Variants in BOLL observed in about 807,000 individuals in gnomAD.
The protein encoded by BOLL is boule RNA binding protein.
BOLL carries 23 observed loss-of-function variants against 44.4 expected under a neutral mutation model. The observed-to-expected ratio is 0.52, with a 90% CI of 0.37 to 0.73. The LOEUF is 0.73. Among genes scored for constraint, BOLL ranks in the 30% least tolerant of loss-of-function variants. The pLI, the probability that BOLL is intolerant of heterozygous loss-of-function variation, is 0.00. For synonymous variants in BOLL, 97 were observed against 110.8 expected (o/e 0.88, Z 0.78); for missense variants, 287 against 338.3 (o/e 0.85, Z 1.19).
At chr2:197,728,725 G>A (rs1686966820) in intron 10 of BOLL, 147 bp from the exon 11 acceptor site, 1 of 557,210 alleles carries the variant, frequency 1.8e-6, no homozygotes, top group Admixed American at 4.0e-5. Flanking sequence ...TACAAAGTGA[G>A]AGGCTAGCAA....
rs181211838 is a variant in BOLL, at chr2:197,746,216, G to A, written c.730-3057C>T. On this transcript the variant is annotated intron_variant, in intron 9 of 10. Coordinates refer to ENST00000392296, the MANE Select transcript of BOLL (RefSeq NM_033030.6). The stretch of plus-strand genomic sequence containing the variant: ...GCTGGTGGGAATGTAAATTAGTATG[G>A]CCATTTTGGAAAACAGTAGGGTGGT... 4.6e-5 allele frequency among the ~76,000 whole-genome samples: 7 copies of A among 152,270 alleles called. No individual in the cohort carries two copies. The East Asian group carries it at 1.4e-3, about 29-fold the overall frequency.
In BOLL at chr2:197,738,850, C is replaced by A. The variant is rs183925449; in HGVS notation, c.828+4211G>T. Reference sequence around the variant, plus strand: ...AAAGGCTAATGTTTCAAATGTCATTCACTAATATTTTAATATTAGTAATAT... The same window carrying A: ...AAAGGCTAATGTTTCAAATGTCATTAACTAATATTTTAATATTAGTAATAT... On this transcript the variant is annotated intron_variant, in intron 10 of 10. Coordinates refer to ENST00000392296, the MANE Select transcript of BOLL (RefSeq NM_033030.6). Among the ~76,000 whole-genome samples the A allele has an allele frequency of 4.0e-3, 614 of 152,146 alleles. 3 individuals carry two copies. Among genetic ancestry groups the A allele is most frequent in the African/African-American group, 0.014 (591 of 41,508 alleles).
In BOLL at chr2:197,781,741, AC is replaced by A; in HGVS notation, c.109del (p.Val37Ter). On this transcript the variant is annotated frameshift_variant, in exon 2 of 11. Transcript: ENST00000392296. LOFTEE classifies it high-confidence loss of function. The part of the protein sequence containing the change: ...YGTVIPNRIF[V>X]GGIDFKTNES... ...AGGTACCTTAAAATCAATTCCTCCT[AC>A]AAAGATGCGATTAGGGATCACTGTT... 5 of 1,567,110 alleles carry A rather than the reference AC, an allele frequency of 3.2e-6. No individual in the cohort carries two copies. The highest frequency in any genetic ancestry group is 4.3e-6 in the Non-Finnish European group (5 of 1,149,606).
At chr2:197,752,123 A>G (rs944776905) in intron 9 of BOLL, among the ~76,000 whole-genome samples, 2 of 152,220 alleles carry the variant, frequency 1.3e-5, no homozygotes, top group Non-Finnish European at 2.9e-5. Flanking sequence ...AAAACACTTA[A>G]TAAACTAGGT....
chr2:197,758,918 G>A, intron 7 of BOLL: 3 of 1,528,316 alleles, frequency 2.0e-6, no homozygotes, highest in Non-Finnish European at 8.8e-7. Context: ...AGATCTAAAT[G>A]TTAGCCAGGG....
chr2:197,746,588 C>T lies in BOLL; in HGVS notation c.730-3429G>A, dbSNP rs372625722. On this transcript the variant is annotated intron_variant, in intron 9 of 10. Transcript: ENST00000392296. Reference sequence around the variant, plus strand: ...TACATGATTTCACTTATGTGCAGAACGTGAAAAAGTCGAACTCATAGAAGC... The same window carrying T: ...TACATGATTTCACTTATGTGCAGAATGTGAAAAAGTCGAACTCATAGAAGC... Among the ~76,000 whole-genome samples the T allele has an allele frequency of 2.0e-4, 30 of 152,124 alleles. 1 individual carries two copies. The highest frequency in any genetic ancestry group is 6.5e-4 in the African/African-American group (27 of 41,500).
intron 7 of BOLL, chr2:197,758,794 T>C (rs899364285): frequency 5.3e-6 from 3 of 562,752 alleles, no homozygotes; most frequent in Non-Finnish European, 8.9e-6. Context: ...TTTGCTTTAA[T>C]ATAAATTATG....
At chr2:197,755,230 A>C (rs933991627) in intron 9 of BOLL, among the ~76,000 whole-genome samples, 2 of 152,348 alleles carry the variant, frequency 1.3e-5, no homozygotes, top group African/African-American at 4.8e-5. Context: ...ATTATTAAAA[A>C]GTCAAGGAAC....
At chr2:197,746,809 G>A (rs934033324) in intron 9 of BOLL, among the ~76,000 whole-genome samples, 61 of 151,464 alleles carry the variant, frequency 4.0e-4, no homozygotes, top group Admixed American at 1.1e-3. Flanking sequence ...CTGGGACAGG[G>A]GGATCGCTTG....
intron 9 of BOLL, among the ~76,000 whole-genome samples, chr2:197,755,176 T>C (rs1471254087): frequency 6.6e-6 from 1 of 152,188 alleles, no homozygotes; most frequent in Non-Finnish European, 1.5e-5. Flanking sequence ...GGAGAAATGC[T>C]AATCAACACA....
intron 9 of BOLL, among the ~76,000 whole-genome samples, chr2:197,752,419 A>G (rs1688303206): frequency 1.3e-5 from 2 of 152,332 alleles, no homozygotes; most frequent in South Asian, 4.1e-4. Context: ...TCAGCCCCAA[A>G]ACTCCTTAAA....
intron 10 of BOLL, among the ~76,000 whole-genome samples, chr2:197,737,344 C>G (rs1687540041): frequency 6.6e-6 from 1 of 151,992 alleles, no homozygotes; most frequent in African/African-American, 2.4e-5. Context: ...GTCATGAACA[C>G]TTGATTCTCC....
chr2:197,736,192 C>A (rs1056189465), intron 10 of BOLL, among the ~76,000 whole-genome samples: 2 of 152,096 alleles, frequency 1.3e-5, no homozygotes, highest in African/African-American at 4.8e-5. Context: ...CATATCACCT[C>A]TGTGATATTA....
chr2:197,740,185 G>A (rs1417678453), intron 10 of BOLL, among the ~76,000 whole-genome samples: 1 of 152,052 alleles, frequency 6.6e-6, no homozygotes, highest in Non-Finnish European at 1.5e-5. Context: ...GAAGGGTCAC[G>A]AGAAGACCGG....
At chr2:197,760,342 C>T (rs1688697771) in intron 7 of BOLL, among the ~76,000 whole-genome samples, 1 of 152,214 alleles carries the variant, frequency 6.6e-6, no homozygotes, top group South Asian at 2.1e-4. Flanking sequence ...GCCGACTGAA[C>T]AGCCATGCAG....
chr2:197,733,862 G>A (rs1056759205), intron 10 of BOLL, among the ~76,000 whole-genome samples: 2 of 152,080 alleles, frequency 1.3e-5, no homozygotes, highest in Admixed American at 1.3e-4. Flanking sequence ...AAAAACCCTA[G>A]AAGAAAACCT....
rs1283600688 is a variant in BOLL, at chr2:197,758,940, A to G, written c.553-1540T>C. ...AATGTTAGCCAGGGGAGCAAAACTG[A>G]CCTCATCACATTTGGTAAAAGGAAG... On this transcript the variant is annotated intron_variant, in intron 7 of 10. Transcript: ENST00000392296. 5 of 1,535,370 alleles carry G rather than the reference A, an allele frequency of 3.3e-6. No homozygotes were observed. In the African/African-American group the frequency reaches 4.1e-5, roughly 13 times the overall value.
chr2:197,786,019 T>G, upstream of BOLL: 1 of 1,611,532 alleles, frequency 6.2e-7, no homozygotes, highest in Non-Finnish European at 8.5e-7. The surrounding 1 kb of genome is among the most constrained non-coding windows in gnomAD (Gnocchi z 5.9). Context: ...TCTCTGCTCT[T>G]CAGAGACGCG....
At chr2:197,782,804 C>G (rs1223958423) in intron 1 of BOLL, among the ~76,000 whole-genome samples, 2 of 152,124 alleles carry the variant, frequency 1.3e-5, no homozygotes, top group Non-Finnish European at 2.9e-5. Flanking sequence ...TTTAAATGCA[C>G]TTGTCAATTT....
Sources: gnomAD v4.1 joint callset for allele counts (sites outside exome capture counted in the v4.1 genomes callset) on GRCh38, gnomAD v4.1.1 for gene constraint, Gnocchi (gnomAD v3.1) non-coding constraint, MANE v1.5 for transcripts, NCBI Gene and HGNC (gene_info 2026-07-23, HGNC 2026-07-21) for gene names.